ACOX3: variants seen among roughly 807,000 people sequenced by gnomAD.
ACOX3 encodes the protein acyl-CoA oxidase 3, pristanoyl, also known as peroxisomal acyl-coenzyme A oxidase 3.
A neutral mutation model predicts 81.5 loss-of-function variants in ACOX3; 73 were observed. The ratio of observed to expected loss-of-function variants is 0.90; its 90% CI spans 0.74 to 1.09. The LOEUF (loss-of-function observed/expected upper bound fraction) is 1.09, where lower values mean the gene tolerates loss of function less well. ACOX3 is among the 50% of genes least tolerant of loss of function. The pLI, the probability that ACOX3 is intolerant of heterozygous loss-of-function variation, is 0.00. For synonymous variants in ACOX3, 387 were observed against 375.1 expected (o/e 1.03, Z -0.37); for missense variants, 947 against 928.0 (o/e 1.02, Z -0.27).
At chr4:8,408,170 C>T (rs895973909) in intron 6 of ACOX3, among the ~76,000 whole-genome samples, 6 of 151,718 alleles carry the variant, frequency 4.0e-5, no homozygotes, top group African/African-American at 7.3e-5. Flanking sequence ...TAAAGAAACA[C>T]TCAAAAAGGG....
rs138306228 is a variant in ACOX3, at chr4:8,368,271, C to T, written c.1984-1191G>A. Among the ~76,000 whole-genome samples, 57 of 152,380 alleles carry T rather than the reference C, an allele frequency of 3.7e-4. No individual in the cohort carries two copies. Among genetic ancestry groups the T allele is most frequent in the African/African-American group, 1.3e-3 (55 of 41,602 alleles). On this transcript the variant is annotated intron_variant, in intron 17 of 17. Coordinates refer to ENST00000356406, the MANE Select transcript of ACOX3 (RefSeq NM_003501.3). This position sits in a 1 kb window ranked among gnomAD's most constrained non-coding sequence, Gnocchi z 5.9. ...CCTACGGGAGGTGCAGACTTCACTG[C>T]TCTCAGCCTAAGTGGCCTCACTGGG... is the stretch of plus-strand genomic sequence containing the variant.
intron 14 of ACOX3, among the ~76,000 whole-genome samples, chr4:8,377,396 G>T (rs545861527): frequency 6.6e-6 from 1 of 152,334 alleles, no homozygotes; most frequent in East Asian, 1.9e-4. Context: ...GCCCCTCCTG[G>T]AACCTTGCTG....
intron 13 of ACOX3, among the ~76,000 whole-genome samples, chr4:8,383,186 T>TG (rs1717910468): frequency 6.6e-6 from 1 of 152,046 alleles, no homozygotes; most frequent in Non-Finnish European, 1.5e-5. Flanking sequence ...GGGAGTGGGA[T>TG]GGAAAGACGG....
chr4:8,421,398 G>T (rs1026775364), intron 1 of ACOX3, among the ~76,000 whole-genome samples: 1 of 152,232 alleles, frequency 6.6e-6, no homozygotes, highest in African/African-American at 2.4e-5. Flanking sequence ...GGGAAGCAGA[G>T]GGCTGACTAG....
At chr4:8,420,828 G>A (rs1487302337) in intron 1 of ACOX3, among the ~76,000 whole-genome samples, 1 of 152,196 alleles carries the variant, frequency 6.6e-6, no homozygotes, top group Non-Finnish European at 1.5e-5. Context: ...CTGAGCTTCT[G>A]ATCCAGTGAG....
intron 6 of ACOX3, among the ~76,000 whole-genome samples, 160 bp downstream of exon 6, chr4:8,410,052 G>A (rs898196271): frequency 2.6e-5 from 4 of 152,024 alleles, no homozygotes; most frequent in Non-Finnish European, 4.4e-5. Context: ...ACTGTGGGCG[G>A]GGCTATGGGA....
At chr4:8,429,750 T>C (rs1456040830) in intron 1 of ACOX3, among the ~76,000 whole-genome samples, 2 of 152,038 alleles carry the variant, frequency 1.3e-5, no homozygotes, top group Non-Finnish European at 2.9e-5. Context: ...CAGAATCAAC[T>C]AGACTTAGCA....
At position 8,431,458 on chromosome 4, in the gene ACOX3, G is replaced by A. The variant is rs998212270; in HGVS notation, c.-15+9190C>T. 6.6e-6 allele frequency among the ~76,000 whole-genome samples: 1 copy of A among 152,194 alleles called. No homozygotes were observed. The highest frequency in any genetic ancestry group is 1.5e-5 in the Non-Finnish European group (1 of 68,046). Reference sequence around the variant, plus strand: ...CTGACCTGCATCTGACAGGGAACACGGGCCTCTCTGTGAGTCAGGGTGGTG... The same window carrying A: ...CTGACCTGCATCTGACAGGGAACACAGGCCTCTCTGTGAGTCAGGGTGGTG... On this transcript the variant is annotated intron_variant, in intron 1 of 17. Transcript: ENST00000356406. This position sits in a 1 kb window ranked among gnomAD's most constrained non-coding sequence, Gnocchi z 5.3.
chr4:8,362,017 A>T (rs928877351), downstream of ACOX3, among the ~76,000 whole-genome samples: 8 of 152,216 alleles, frequency 5.3e-5, no homozygotes, highest in Non-Finnish European at 1.2e-4. Context: ...AGGTAACCAA[A>T]TTTCATGTTT....
intron 14 of ACOX3, among the ~76,000 whole-genome samples, chr4:8,379,964 G>A (rs538729847): frequency 4.0e-5 from 6 of 151,838 alleles, no homozygotes; most frequent in African/African-American, 9.7e-5. Context: ...CCACCTTAAC[G>A]CAAGGATGTG....
rs973375600 is a variant in ACOX3 at position 8,414,879 on chromosome 4, T to C, written c.428A>G (p.Tyr143Cys). ...CTCCATCCTGAAGATCTTTTGAATA[T>C]ATGTGAGATGTCTTTCAGAACCAGA... ...YSSGSERHLT[Y>C]IQKIFRMEIF... Residue 143 changes from tyrosine (Y) to cysteine (C), a missense_variant, in exon 4 of 18, where the codon TAT becomes TGT. By Grantham distance (194) the Tyr-to-Cys change is radical (BLOSUM62 -2). Coordinates refer to ENST00000356406, the MANE Select transcript of ACOX3 (RefSeq NM_003501.3). The surrounding 1 kb of genome is among the most constrained non-coding windows in gnomAD (Gnocchi z 6.1). The C allele has an allele frequency of 1.2e-6, 2 of 1,614,262 alleles. No homozygotes were observed. The highest frequency in any genetic ancestry group is 1.7e-6 in the Non-Finnish European group (2 of 1,180,048).
rs912202134 is a variant in ACOX3, at chr4:8,399,897, T to A, written c.777-245A>T. On this transcript the variant is annotated intron_variant, in intron 7 of 17. Coordinates refer to ENST00000356406, the MANE Select transcript of ACOX3 (RefSeq NM_003501.3). This position sits in a 1 kb window ranked among gnomAD's most constrained non-coding sequence, Gnocchi z 4.9. ...GGAGGATTGCTTGAGCCCAGGAGTT[T>A]GAGACCAGCCTGGGCAACACAGTGA... 1.3e-5 allele frequency among the ~76,000 whole-genome samples: 2 copies of A among 152,106 alleles called. No individual in the cohort carries two copies. The highest frequency in any genetic ancestry group is 4.8e-5 in the African/African-American group (2 of 41,412).
At chr4:8,398,726 T>G (rs900842178) in intron 8 of ACOX3, among the ~76,000 whole-genome samples, 2 of 152,178 alleles carry the variant, frequency 1.3e-5, no homozygotes, top group Non-Finnish European at 2.9e-5. Flanking sequence ...TCTGCCCACT[T>G]TGGCCTCCCA....
Position 8,389,733 on chromosome 4 carries a change from C to T in ACOX3, c.1302G>A (p.Met434Ile). ...CATCTCTAAGGACACCCAACCGGTTCACTGCAACAAAGCCACAATAGTACC... is the reference window on the plus strand; with the variant it reads ...CATCTCTAAGGACACCCAACCGGTTTACTGCAACAAAGCCACAATAGTACC... ...EACGGHGYLA[M>I]NRLGVLRDDN... Residue 434 changes from methionine (M) to isoleucine (I), a missense_variant and splice_region_variant, in exon 12 of 18, where the codon ATG becomes ATA. Coordinates refer to ENST00000356406, the MANE Select transcript of ACOX3 (RefSeq NM_003501.3). The surrounding 1 kb of genome is among the most constrained non-coding windows in gnomAD (Gnocchi z 5.3). 1 of 1,613,764 alleles carries T rather than the reference C, an allele frequency of 6.2e-7. No individual in the cohort carries two copies. Among genetic ancestry groups the T allele is most frequent in the Non-Finnish European group, 8.5e-7 (1 of 1,179,942 alleles).
intron 1 of ACOX3, among the ~76,000 whole-genome samples, chr4:8,422,568 C>G (rs1050184481): frequency 1.3e-5 from 2 of 152,214 alleles, no homozygotes; most frequent in African/African-American, 4.8e-5. Context: ...TTCTTGCCCC[C>G]ATTTGCCACT....
intron 17 of ACOX3, among the ~76,000 whole-genome samples, 156 bp from the exon 18 acceptor site, chr4:8,367,236 T>G (rs1159611940): frequency 6.6e-6 from 1 of 152,160 alleles, no homozygotes; most frequent in Non-Finnish European, 1.5e-5. Flanking sequence ...TCCCAGCATT[T>G]TGGGAGGCCG....
rs116586944 is a variant in ACOX3 at position 8,431,113 on chromosome 4, G to A, written c.-15+9535C>T. Among the ~76,000 whole-genome samples, 819 of 152,224 alleles carry A rather than the reference G, an allele frequency of 5.4e-3. 6 individuals carry two copies. Among genetic ancestry groups the A allele is most frequent in the African/African-American group, 0.018 (740 of 41,536 alleles). On this transcript the variant is annotated intron_variant, in intron 1 of 17. Transcript: ENST00000356406. This position sits in a 1 kb window ranked among gnomAD's most constrained non-coding sequence, Gnocchi z 5.3. ...TTAAGTTAGGGCATCATCACAAAAT[G>A]ACATGGAGAAAACAAAGCACAGGTT...
In ACOX3 at chr4:8,384,539, C is replaced by T. The variant is rs560777064; in HGVS notation, c.1538-2932G>A. Among the ~76,000 whole-genome samples, 12 of 152,310 alleles carry T rather than the reference C, an allele frequency of 7.9e-5. No individual in the cohort carries two copies. The highest frequency in any genetic ancestry group is 1.7e-4 in the African/African-American group (7 of 41,578). ...ACTCTCCCAGAATCCTGGGTCACCA[C>T]GGCCTTTCCATGTGCCTCACACCAG... On this transcript the variant is annotated intron_variant, in intron 13 of 17. Coordinates refer to ENST00000356406, the MANE Select transcript of ACOX3 (RefSeq NM_003501.3). The surrounding 1 kb of genome is among the most constrained non-coding windows in gnomAD (Gnocchi z 5.3).
chr4:8,392,226 G>A (rs1440416832), intron 11 of ACOX3, 107 bp downstream of exon 11: 5 of 1,306,146 alleles, frequency 3.8e-6, no homozygotes, highest in Admixed American at 2.9e-5. Flanking sequence ...GCAAAAACAG[G>A]TGGCAGGCTG....
Sources: gnomAD v4.1 joint callset for allele counts (sites outside exome capture counted in the v4.1 genomes callset) on GRCh38, gnomAD v4.1.1 for gene constraint, Gnocchi (gnomAD v3.1) non-coding constraint, MANE v1.5 for transcripts, NCBI Gene and HGNC (gene_info 2026-07-23, HGNC 2026-07-21) for gene names.